The following PCSK6 variants were observed in gnomAD, a reference collection of about 807,000 sequenced individuals.
The protein encoded by PCSK6 is proprotein convertase subtilisin/kexin type 6, also known as paired basic amino acid cleaving enzyme 4.
Under a neutral mutation model 123.3 loss-of-function variants are expected in PCSK6, and 85 were observed. The ratio of observed to expected loss-of-function variants is 0.69; its 90% confidence interval spans 0.58 to 0.83. The LOEUF is 0.83. Among genes scored for constraint, PCSK6 ranks in the 40% least tolerant of loss-of-function variants. The probability of loss-of-function intolerance (pLI) is 0.00; values close to 1 mark genes in which losing one functional copy is unlikely to be tolerated. For synonymous variants in PCSK6, 508 were observed against 516.0 expected (o/e 0.98, Z 0.21); for missense variants, 1,191 against 1,282.3 (o/e 0.93, Z 1.09).
At chr15:101,319,348 G>A (rs754768726) in intron 18 of PCSK6, among the ~76,000 whole-genome samples, 2 of 151,920 alleles carry the variant, frequency 1.3e-5, no homozygotes, top group South Asian at 2.1e-4. Context: ...TGTCAGACCC[G>A]GAGACTCCTG....
In PCSK6 at chr15:101,366,104, A is replaced by G. The variant is rs568018732; in HGVS notation, c.1858+92T>C. ...TCTACCTCTAAAACACAAAACAAAG[A>G]ATTATCAGAGACTCCGTAGTTAAAT... On this transcript the variant is annotated intron_variant, in intron 13 of 21. Coordinates refer to ENST00000611716, the MANE Select transcript of PCSK6 (RefSeq NM_002570.5). 3.0e-5 allele frequency: 40 copies of G among 1,319,784 alleles called. No individual in the cohort carries two copies. The South Asian group carries it at 5.8e-4, about 19-fold the overall frequency. The allele number at this position is 1,319,784 out of a possible 1,614,324, so 81.8% of individuals were successfully genotyped here.
intron 6 of PCSK6, among the ~76,000 whole-genome samples, chr15:101,410,693 T>A (rs956008223): frequency 2.6e-5 from 4 of 152,200 alleles, no homozygotes; most frequent in Non-Finnish European, 5.9e-5. Context: ...GCTGTTCTCA[T>A]CTGGTCACCG....
chr15:101,487,655 G>A (rs1009161656), intron 1 of PCSK6, among the ~76,000 whole-genome samples: 6 of 152,140 alleles, frequency 3.9e-5, no homozygotes, highest in African/African-American at 1.2e-4. Context: ...AATTTATCGC[G>A]TAGTTTAAGA....
chr15:101,469,030 C>G (rs184436758), intron 1 of PCSK6, among the ~76,000 whole-genome samples: 32 of 152,328 alleles, frequency 2.1e-4, no homozygotes, highest in Non-Finnish European at 2.9e-4. Flanking sequence ...CTCTTCTGAT[C>G]TCAAAGTTCT....
At chr15:101,406,135 G>A (rs1021744344) in intron 6 of PCSK6, among the ~76,000 whole-genome samples, 4 of 152,140 alleles carry the variant, frequency 2.6e-5, no homozygotes, top group South Asian at 2.1e-4. Flanking sequence ...CAGTCAGCAC[G>A]AGACACAGCA....
At position 101,393,202 on chromosome 15, in the gene PCSK6, G is replaced by C; in HGVS notation, c.1209+10C>G. 6.2e-7 allele frequency: 1 copy of C among 1,607,438 alleles called. No homozygotes were observed. Among genetic ancestry groups the C allele is most frequent in the Non-Finnish European group, 8.5e-7 (1 of 1,176,056 alleles). ...CACTGTAAGCACTCCAACTTGCCAA[G>C]AGAACTTACGATTTTTCGCTCATAA... On this transcript the variant is annotated intron_variant, in intron 8 of 21. Coordinates refer to ENST00000611716, the MANE Select transcript of PCSK6 (RefSeq NM_002570.5).
At chr15:101,422,652 G>C (rs571573259) in intron 6 of PCSK6, among the ~76,000 whole-genome samples, 2 of 149,336 alleles carry the variant, frequency 1.3e-5, no homozygotes, top group Admixed American at 6.7e-5. Flanking sequence ...ACGGAGTCTC[G>C]CTCTGTCGCC....
Position 101,328,361 on chromosome 15 carries a change from G to A in PCSK6, c.2078-1882C>T, listed in dbSNP as rs377624341. Among the ~76,000 whole-genome samples the A allele has an allele frequency of 3.2e-3, 486 of 152,316 alleles. 5 individuals carry two copies. The highest frequency in any genetic ancestry group is 0.031 in the South Asian group (148 of 4,822). ...CAATCTTTTCACTCTTTCTAGACACGGAATGGGAGACGGGCGGGCAGGGCT... is the reference window on the plus strand; with the variant it reads ...CAATCTTTTCACTCTTTCTAGACACAGAATGGGAGACGGGCGGGCAGGGCT... On this transcript the variant is annotated intron_variant, in intron 15 of 21. Transcript: ENST00000611716.
At chr15:101,319,648 A>G (rs1335193358) in intron 18 of PCSK6, among the ~76,000 whole-genome samples, 3 of 152,186 alleles carry the variant, frequency 2.0e-5, no homozygotes, top group South Asian at 2.1e-4. Context: ...ACCAATGGCC[A>G]ATGATGTAAT....
At chr15:101,358,659 C>T (rs767773900) in intron 13 of PCSK6, among the ~76,000 whole-genome samples, 16 of 152,226 alleles carry the variant, frequency 1.1e-4, no homozygotes, top group Non-Finnish European at 2.4e-4. Flanking sequence ...ATTTCAGGAA[C>T]AGCCGGAAGA....
intron 11 of PCSK6, among the ~76,000 whole-genome samples, chr15:101,380,326 C>T (rs1173142748): frequency 6.6e-6 from 1 of 152,208 alleles, no homozygotes; most frequent in African/African-American, 2.4e-5. Flanking sequence ...TCAGGAGCCG[C>T]CCTGACGGGG....
intron 1 of PCSK6, among the ~76,000 whole-genome samples, chr15:101,485,570 G>A (rs2058000883): frequency 6.6e-6 from 1 of 152,174 alleles, no homozygotes; most frequent in East Asian, 1.9e-4. Context: ...ATGTACTGTT[G>A]TGTAATGTGA....
intron 1 of PCSK6, among the ~76,000 whole-genome samples, chr15:101,488,105 T>C (rs887790352): frequency 2.0e-5 from 3 of 152,190 alleles, no homozygotes; most frequent in Non-Finnish European, 2.9e-5. Flanking sequence ...GGGCTTGGGA[T>C]GCAGAACTAA....
chr15:101,478,909 CA>C (rs1168205386), intron 1 of PCSK6, among the ~76,000 whole-genome samples: 4 of 152,210 alleles, frequency 2.6e-5, no homozygotes, highest in Non-Finnish European at 2.9e-5. Flanking sequence ...ACAAGGTCAG[CA>C]TTTTCTCCAT....
chr15:101,351,996 T>A (rs758572328), intron 13 of PCSK6, among the ~76,000 whole-genome samples: 2 of 152,264 alleles, frequency 1.3e-5, no homozygotes, highest in African/African-American at 4.8e-5. Flanking sequence ...TGAGTAGTTG[T>A]CTCAGAGACC....
chr15:101,333,278 C>A (rs1231874248), intron 13 of PCSK6, among the ~76,000 whole-genome samples: 1 of 152,216 alleles, frequency 6.6e-6, no homozygotes, highest in East Asian at 1.9e-4. Flanking sequence ...CTCATGCTGA[C>A]GGGGCTCCCG....
At chr15:101,466,295 C>T (rs7166712) in intron 1 of PCSK6, among the ~76,000 whole-genome samples, 17 of 152,168 alleles carry the variant, frequency 1.1e-4, no homozygotes, top group South Asian at 2.1e-4. Context: ...CGTCATTAGC[C>T]GTAAGGGAAA....
chr15:101,313,388 T>G lies in PCSK6; in HGVS notation c.2687A>C (p.Lys896Thr). 3 of 1,612,726 alleles carry G rather than the reference T, an allele frequency of 1.9e-6. No individual in the cohort carries two copies. The highest frequency in any genetic ancestry group is 2.5e-6 in the Non-Finnish European group (3 of 1,179,812). ...AGGAGGACCGTACCTTCGACACACT[T>G]TGTGGGGCAAGCCCGGCATCTCTTC... ...YPEEMPGLPH[K>T]VCRRCDENCL... The change falls in exon 20 of 22, where the codon AAA (lysine) becomes ACA (threonine). Residue 896 changes from lysine to threonine, a missense_variant. Transcript: ENST00000611716.
At chr15:101,458,191 T>C (rs2057239811) in intron 1 of PCSK6, among the ~76,000 whole-genome samples, 2 of 152,184 alleles carry the variant, frequency 1.3e-5, no homozygotes, top group South Asian at 4.1e-4. Context: ...GTGCACTATC[T>C]CAGCAAACAA....
Sources: gnomAD v4.1 joint callset for allele counts (sites outside exome capture counted in the v4.1 genomes callset) on GRCh38, gnomAD v4.1.1 for gene constraint, MANE v1.5 for transcripts, NCBI Gene and HGNC (gene_info 2026-07-23, HGNC 2026-07-21) for gene names.